CAPZA1: variants seen among roughly 807,000 people sequenced by gnomAD.
CAPZA1 encodes capping actin protein of muscle Z-line subunit alpha 1.
In CAPZA1, 10 loss-of-function variants were observed where a neutral mutation model predicts 40.8. The observed-to-expected ratio is 0.25, with a 90% CI of 0.15 to 0.42. The LOEUF is 0.42. Ranked by LOEUF, CAPZA1 falls within the 10% of genes least tolerant of loss-of-function variation. The pLI is 1.00. For missense variants in CAPZA1, 277 were observed against 353.8 expected (o/e 0.78, Z 1.74); for synonymous variants, 98 against 115.0 (o/e 0.85, Z 0.95).
chr1:112,641,204 C>G (rs1028943018), intron 1 of CAPZA1, among the ~76,000 whole-genome samples: 1 of 147,082 alleles, frequency 6.8e-6, no homozygotes, highest in Non-Finnish European at 1.5e-5. Flanking sequence ...TGAGAAACAC[C>G]CAAGAATGAT....
At position 112,659,647 on chromosome 1, in the gene CAPZA1, C is replaced by A. The variant is rs375885392; in HGVS notation, c.507-54C>A. On this transcript the variant is annotated intron_variant, in intron 6 of 9. Transcript: ENST00000263168. ...ACTTCTGTACCTCAGTGGCAAATCACCTCTTTCTTGTGCTTATTGCTAATT... is the reference window on the plus strand; with the variant it reads ...ACTTCTGTACCTCAGTGGCAAATCAACTCTTTCTTGTGCTTATTGCTAATT... The A allele has an allele frequency of 2.1e-6, 3 of 1,412,308 alleles. No homozygotes were observed. The African/African-American group carries it at 4.3e-5, about 20-fold the overall frequency. The allele number at this position is 1,412,308 out of a possible 1,614,324, so 87.5% of individuals were successfully genotyped here.
At chr1:112,661,791 T>G (rs1671617820) in intron 7 of CAPZA1, among the ~76,000 whole-genome samples, 1 of 152,248 alleles carries the variant, frequency 6.6e-6, no homozygotes, top group Non-Finnish European at 1.5e-5. Flanking sequence ...AGGGTGATAA[T>G]TTATGGTAAG....
chr1:112,630,129 G>A lies in CAPZA1; in HGVS notation c.39+10246G>A, dbSNP rs564908145. Among the ~76,000 whole-genome samples the A allele has an allele frequency of 1.4e-4, 21 of 152,036 alleles. 1 individual carries two copies. The South Asian group carries it at 4.2e-3, about 30-fold the overall frequency. On this transcript the variant is annotated intron_variant, in intron 1 of 9. Transcript: ENST00000263168. Reference sequence around the variant, plus strand: ...GGGATCTTGGCTTACTGCAACCTCTGCCTCCTGGGCTCAAGTGATCCTCCC... The same window carrying A: ...GGGATCTTGGCTTACTGCAACCTCTACCTCCTGGGCTCAAGTGATCCTCCC...
chr1:112,620,996 C>T (rs551414681), intron 1 of CAPZA1, among the ~76,000 whole-genome samples: 1 of 151,250 alleles, frequency 6.6e-6, no homozygotes, highest in South Asian at 2.1e-4. Context: ...GTGTTTTTTT[C>T]AATAAGAAGT....
At chr1:112,632,329 G>A (rs1670934548) in intron 1 of CAPZA1, among the ~76,000 whole-genome samples, 1 of 152,126 alleles carries the variant, frequency 6.6e-6, no homozygotes, top group Non-Finnish European at 1.5e-5. Context: ...TACAATAGGG[G>A]AGAAAAATCA....
At chr1:112,638,729 G>A (rs1006255317) in intron 1 of CAPZA1, among the ~76,000 whole-genome samples, 25 of 151,366 alleles carry the variant, frequency 1.7e-4, no homozygotes, top group African/African-American at 6.0e-4. Context: ...GAGGTCAGGA[G>A]TTCGAGACCA....
chr1:112,647,074 G>A (rs1671293880), intron 1 of CAPZA1, 136 bp from the exon 2 acceptor site: 1 of 417,462 alleles, frequency 2.4e-6, no homozygotes, highest in Non-Finnish European at 4.2e-6. Flanking sequence ...AAAATTTGAA[G>A]ACTCCTAAAC....
chr1:112,665,376 C>T lies in CAPZA1; in HGVS notation c.586-1698C>T, dbSNP rs574699094. On this transcript the variant is annotated intron_variant, in intron 7 of 9. Coordinates refer to ENST00000263168, the MANE Select transcript of CAPZA1 (RefSeq NM_006135.3). ...TGTATTTTTAGTAGAGATGGGGTTT[C>T]GCCGTGTTGGCCAGGCTGGTTTCGA... Among the ~76,000 whole-genome samples the T allele has an allele frequency of 7.2e-5, 11 of 151,990 alleles. No individual in the cohort carries two copies. The South Asian group carries it at 8.3e-4, about 11-fold the overall frequency.
In CAPZA1 at chr1:112,655,790, T is replaced by C. The variant is rs933184563; in HGVS notation, c.426+1119T>C. 9.2e-5 allele frequency among the ~76,000 whole-genome samples: 14 copies of C among 152,236 alleles called. No homozygotes were observed. The East Asian group carries it at 1.2e-3, about 13-fold the overall frequency. The stretch of plus-strand genomic sequence containing the variant: ...GTTGGCCAGGCTGGTCTCGAACTCC[T>C]AACATCAGGTGATCCAGCTGCCTCG... On this transcript the variant is annotated intron_variant, in intron 5 of 9. Coordinates refer to ENST00000263168, the MANE Select transcript of CAPZA1 (RefSeq NM_006135.3).
chr1:112,641,614 G>T (rs1671166239), intron 1 of CAPZA1, among the ~76,000 whole-genome samples: 1 of 151,936 alleles, frequency 6.6e-6, no homozygotes, highest in Non-Finnish European at 1.5e-5. Context: ...CTGAGGCCGG[G>T]CGCAGTGGCT....
intron 5 of CAPZA1, among the ~76,000 whole-genome samples, chr1:112,656,064 A>G (rs912232520): frequency 1.3e-5 from 2 of 152,206 alleles, no homozygotes; most frequent in African/African-American, 4.8e-5. Flanking sequence ...AATAACATGG[A>G]TTTCTATACA....
chr1:112,635,977 T>C (rs1671008545), intron 1 of CAPZA1, among the ~76,000 whole-genome samples: 1 of 152,212 alleles, frequency 6.6e-6, no homozygotes, highest in East Asian at 1.9e-4. Context: ...TGCAGTGAGC[T>C]GAGATCGCGC....
At position 112,642,893 on chromosome 1, in the gene CAPZA1, G is replaced by A. The variant is rs1671202148; in HGVS notation, c.40-4317G>A. On this transcript the variant is annotated intron_variant, in intron 1 of 9. Transcript: ENST00000263168. ...AAATATTATGTTATATAAGTAGTATGTAAAATATGGCTGTGGCTTTATTCC... is the reference window on the plus strand; with the variant it reads ...AAATATTATGTTATATAAGTAGTATATAAAATATGGCTGTGGCTTTATTCC... Among the ~76,000 whole-genome samples, 3 of 152,172 alleles carry A rather than the reference G, an allele frequency of 2.0e-5. No individual in the cohort carries two copies. The South Asian group carries it at 6.2e-4, about 32-fold the overall frequency.
chr1:112,626,009 A>G (rs1482065694), intron 1 of CAPZA1: 1 of 152,354 alleles, frequency 6.6e-6, no homozygotes, highest in East Asian at 1.9e-4. Flanking sequence ...ACCACACAGC[A>G]TCTCTGAACA....
Position 112,664,910 on chromosome 1 carries a change from G to A in CAPZA1, c.586-2164G>A, listed in dbSNP as rs562670589. Among the ~76,000 whole-genome samples, 6 of 152,168 alleles carry A rather than the reference G, an allele frequency of 3.9e-5. No homozygotes were observed. In the East Asian group the frequency reaches 1.2e-3, roughly 29 times the overall value. The stretch of plus-strand genomic sequence containing the variant: ...AGATCGTGCCATTGCACTCCAGCCT[G>A]GGCGACAAGAACAAGACTCTGTCTC... On this transcript the variant is annotated intron_variant, in intron 7 of 9. Coordinates refer to ENST00000263168, the MANE Select transcript of CAPZA1 (RefSeq NM_006135.3).
intron 1 of CAPZA1, among the ~76,000 whole-genome samples, 187 bp from the exon 2 acceptor site, chr1:112,647,023 C>T (rs1166804864): frequency 6.6e-6 from 1 of 151,896 alleles, no homozygotes; most frequent in African/African-American, 2.4e-5. Flanking sequence ...TCAGAATGTA[C>T]CTATATTGAT....
chr1:112,660,108 T>A (rs1671575814), intron 7 of CAPZA1, among the ~76,000 whole-genome samples: 1 of 152,016 alleles, frequency 6.6e-6, no homozygotes, highest in African/African-American at 2.4e-5. Context: ...GGACAGAGTT[T>A]CACTCCATCA....
chr1:112,646,120 C>T (rs1671276673), intron 1 of CAPZA1, among the ~76,000 whole-genome samples: 1 of 152,132 alleles, frequency 6.6e-6, no homozygotes, highest in African/African-American at 2.4e-5. Context: ...AACATTTTAT[C>T]ATCCATTTAT....
At chr1:112,659,262 A>C in intron 6 of CAPZA1, 161 bp downstream of exon 6, 3 of 598,848 alleles carry the variant, frequency 5.0e-6, no homozygotes, top group African/African-American at 1.9e-5. Context: ...AGGTTTTATA[A>C]TTATATTTTC....
Sources: allele counts gnomAD v4.1 joint callset (sites outside exome capture counted in the v4.1 genomes callset), GRCh38; gene constraint gnomAD v4.1.1; transcripts MANE v1.5; gene names NCBI Gene and HGNC (gene_info 2026-07-23, HGNC 2026-07-21).